The following MAP2K4 variants were observed in gnomAD, a reference collection of about 807,000 sequenced individuals.
The protein encoded by MAP2K4 is mitogen-activated protein kinase kinase 4.
In MAP2K4, 4 loss-of-function variants were observed where a neutral mutation model predicts 48.5. The ratio of observed to expected loss-of-function variants is 0.08; its 90% CI spans 0.04 to 0.19. The LOEUF (loss-of-function observed/expected upper bound fraction) is 0.19, where lower values mean the gene tolerates loss of function less well. MAP2K4 is among the 10% of genes least tolerant of loss of function. MAP2K4 has a pLI of 1.00. For missense variants in MAP2K4, 258 were observed against 493.3 expected (o/e 0.52, Z 4.52); for synonymous variants, 166 against 173.1 (o/e 0.96, Z 0.32).
chr17:12,079,417 C>T (rs923036401), intron 2 of MAP2K4, among the ~76,000 whole-genome samples: 2 of 152,056 alleles, frequency 1.3e-5, no homozygotes, highest in Admixed American at 6.6e-5. Context: ...TATTATATAG[C>T]AATGTAGTCA....
chr17:12,067,574 C>T (rs1970657637), intron 2 of MAP2K4, among the ~76,000 whole-genome samples: 1 of 152,174 alleles, frequency 6.6e-6, no homozygotes, highest in Non-Finnish European at 1.5e-5. Context: ...GACTGAGGAG[C>T]TGCAGAAGTC....
chr17:12,035,288 C>T (rs1006973270), intron 1 of MAP2K4, among the ~76,000 whole-genome samples: 3 of 152,124 alleles, frequency 2.0e-5, no homozygotes, highest in Non-Finnish European at 4.4e-5. Flanking sequence ...GAGGCCACGG[C>T]GGGCAGATCA....
At position 12,125,268 on chromosome 17, in the gene MAP2K4, AACTTAC is replaced by A; in HGVS notation, c.814-21_814-16del. The A allele has an allele frequency of 6.3e-7, 1 of 1,580,442 alleles. No homozygotes were observed. The highest frequency in any genetic ancestry group is 8.7e-7 in the Non-Finnish European group (1 of 1,149,322). On this transcript the variant is annotated intron_variant, in intron 7 of 10. Transcript: ENST00000353533. Reference sequence around the variant, plus strand: ...ATTCCTTGAGTGTAAGGCAATTAATAACTTACACTTGTCTTTATGTTCCAGCCTGAA... The same window carrying A: ...ATTCCTTGAGTGTAAGGCAATTAATAACTTGTCTTTATGTTCCAGCCTGAA...
At chr17:12,087,456 G>A (rs928630389) in intron 3 of MAP2K4, among the ~76,000 whole-genome samples, 1 of 152,122 alleles carries the variant, frequency 6.6e-6, no homozygotes, top group Non-Finnish European at 1.5e-5. Flanking sequence ...TGTCAAACTT[G>A]TTCCATTAAC....
intron 9 of MAP2K4, among the ~76,000 whole-genome samples, 182 bp downstream of exon 9, chr17:12,129,469 A>C (rs1972960060): frequency 6.6e-6 from 1 of 152,204 alleles, no homozygotes; most frequent in Admixed American, 6.5e-5. Flanking sequence ...TGGGAGAGGC[A>C]TCACCTTCTT....
intron 4 of MAP2K4, among the ~76,000 whole-genome samples, chr17:12,101,776 T>G (rs532850462): frequency 1.4e-4 from 21 of 152,230 alleles, no homozygotes; most frequent in South Asian, 8.3e-4. Flanking sequence ...GTGTATAATA[T>G]TTTTAATGCT....
chr17:12,119,200 G>A (rs777165526), intron 7 of MAP2K4, among the ~76,000 whole-genome samples: 15 of 152,162 alleles, frequency 9.9e-5, no homozygotes, highest in South Asian at 2.1e-4. Context: ...TATCAACAGA[G>A]TAAACAGATA....
chr17:12,106,923 G>A (rs968333115), intron 4 of MAP2K4, among the ~76,000 whole-genome samples: 1 of 151,812 alleles, frequency 6.6e-6, no homozygotes, highest in African/African-American at 2.4e-5. Context: ...TAGTTCCTCG[G>A]TTTCTAGTTT....
intron 2 of MAP2K4, among the ~76,000 whole-genome samples, chr17:12,068,066 C>T (rs1337968814): frequency 3.3e-5 from 5 of 151,944 alleles, no homozygotes; most frequent in African/African-American, 1.2e-4. Context: ...TGGAAGGAAT[C>T]GCATGTATTT....
intron 2 of MAP2K4, among the ~76,000 whole-genome samples, chr17:12,066,718 C>A (rs1041545802): frequency 1.3e-5 from 2 of 151,976 alleles, no homozygotes; most frequent in African/African-American, 4.8e-5. Context: ...GAGACGGAGT[C>A]TCGTTCTGTC....
chr17:12,089,324 A>T (rs766818572), intron 3 of MAP2K4, among the ~76,000 whole-genome samples: 1 of 152,176 alleles, frequency 6.6e-6, no homozygotes, highest in African/African-American at 2.4e-5. Flanking sequence ...CAGATTCCAC[A>T]TAGATTGCTG....
At chr17:12,070,709 G>T (rs1970773673) in intron 2 of MAP2K4, among the ~76,000 whole-genome samples, 1 of 152,278 alleles carries the variant, frequency 6.6e-6, no homozygotes, top group South Asian at 2.1e-4. Context: ...GCTTGTTTTT[G>T]TAAGTAAAGT....
intron 4 of MAP2K4, among the ~76,000 whole-genome samples, chr17:12,104,117 A>G (rs1259526457): frequency 6.6e-6 from 1 of 152,214 alleles, no homozygotes; most frequent in African/African-American, 2.4e-5. Context: ...TTCTATATCA[A>G]TAATTGTATT....
chr17:12,035,275 C>T (rs562341125), intron 1 of MAP2K4, among the ~76,000 whole-genome samples: 4 of 152,146 alleles, frequency 2.6e-5, no homozygotes, highest in Admixed American at 6.5e-5. Context: ...CCCAGCACTT[C>T]GGGAGGCCAC....
Position 12,045,156 on chromosome 17 carries a change from CTT to C in MAP2K4, c.116-9732_116-9731del, listed in dbSNP as rs564202797. Among the ~76,000 whole-genome samples the C allele has an allele frequency of 3.9e-5, 6 of 152,234 alleles. No individual in the cohort carries two copies. The South Asian group carries it at 8.3e-4, about 21-fold the overall frequency. ...TCATTGTCCTTGAGTCAAGAACAGACTTATATTTCTTTCATTGTGTTGTACAC... is the reference window on the plus strand; with the variant it reads ...TCATTGTCCTTGAGTCAAGAACAGACATATTTCTTTCATTGTGTTGTACAC... On this transcript the variant is annotated intron_variant, in intron 1 of 10. Coordinates refer to ENST00000353533, the MANE Select transcript of MAP2K4 (RefSeq NM_003010.4).
chr17:12,119,847 A>G (rs576149328), intron 7 of MAP2K4, among the ~76,000 whole-genome samples: 52 of 152,374 alleles, frequency 3.4e-4, no homozygotes, highest in African/African-American at 1.2e-3. Context: ...TTGTGGGAAC[A>G]TGGATGGAGC....
At chr17:12,123,955 A>G (rs930917809) in intron 7 of MAP2K4, among the ~76,000 whole-genome samples, 6 of 152,290 alleles carry the variant, frequency 3.9e-5, no homozygotes, top group African/African-American at 1.2e-4. Flanking sequence ...GGATTAATCA[A>G]TGTTCCATGC....
At chr17:12,051,307 C>G (rs2151523351) in intron 1 of MAP2K4, among the ~76,000 whole-genome samples, 1 of 152,292 alleles carries the variant, frequency 6.6e-6, no homozygotes, top group Non-Finnish European at 1.5e-5. Flanking sequence ...AAGATTTACT[C>G]CAGCCAATAA....
intron 3 of MAP2K4, among the ~76,000 whole-genome samples, chr17:12,086,892 G>A (rs1262497646): frequency 6.6e-6 from 1 of 152,068 alleles, no homozygotes; most frequent in East Asian, 1.9e-4. Context: ...CGTCGCCCAG[G>A]CTGGAGTGCA....
Sources: allele counts gnomAD v4.1 joint callset (sites outside exome capture counted in the v4.1 genomes callset), GRCh38; gene constraint gnomAD v4.1.1; transcripts MANE v1.5; gene names NCBI Gene and HGNC (gene_info 2026-07-23, HGNC 2026-07-21).